Variants in STPG4 observed in about 807,000 individuals in gnomAD.
The protein encoded by STPG4 is protein STPG4.
STPG4 carries 41 observed loss-of-function variants against 31.5 expected under a neutral mutation model. The ratio of observed to expected loss-of-function variants is 1.30; its 90% confidence interval spans 1.01 to 1.69. The LOEUF is 1.69. STPG4 is among the 40% of genes most tolerant of loss of function. The pLI is 0.00. For missense variants in STPG4, 375 were observed against 293.4 expected, an observed-to-expected ratio of 1.28 and a Z score of -2.03; for synonymous variants, 141 against 103.0, an observed-to-expected ratio of 1.37 and a Z score of -2.24.
intron 5 of STPG4, among the ~76,000 whole-genome samples, chr2:47,103,673 T>C (rs1685845985): frequency 1.3e-5 from 2 of 151,928 alleles, no homozygotes; most frequent in Non-Finnish European, 2.9e-5. Context: ...CCCTCGTCCA[T>C]GTCCACTATG....
intron 5 of STPG4, among the ~76,000 whole-genome samples, chr2:47,090,715 G>A (rs1256508557): frequency 2.0e-5 from 3 of 152,172 alleles, no homozygotes; most frequent in Non-Finnish European, 4.4e-5. Context: ...GCCTCATGCC[G>A]TACTTCTCCC....
intron 3 of STPG4, among the ~76,000 whole-genome samples, chr2:47,134,949 T>A (rs1017348226): frequency 6.6e-6 from 1 of 152,246 alleles, no homozygotes; most frequent in African/African-American, 2.4e-5. Flanking sequence ...TGATGACATA[T>A]GATGTGAAAC....
chr2:47,087,526 G>A (rs1685481133), intron 6 of STPG4, among the ~76,000 whole-genome samples: 1 of 152,196 alleles, frequency 6.6e-6, no homozygotes, highest in Non-Finnish European at 1.5e-5. Context: ...AGAAGTGAGT[G>A]AAGAGAATTA....
intron 3 of STPG4, 47 bp downstream of exon 3, chr2:47,151,211 C>A (rs752768642): frequency 1.2e-6 from 2 of 1,603,636 alleles, no homozygotes; most frequent in East Asian, 2.2e-5. Context: ...TCCTCAGGGG[C>A]TCTTAGTAGC....
intron 5 of STPG4, among the ~76,000 whole-genome samples, chr2:47,095,926 G>C (rs971216444): frequency 1.3e-4 from 20 of 152,132 alleles, no homozygotes; most frequent in African/African-American, 4.3e-4. Context: ...CTGGGCCCCT[G>C]TTCCCTACTC....
intron 3 of STPG4, among the ~76,000 whole-genome samples, chr2:47,139,666 C>G (rs1245638439): frequency 1.3e-5 from 2 of 151,996 alleles, no homozygotes; most frequent in Non-Finnish European, 2.9e-5. Flanking sequence ...GAATCAGATC[C>G]TCCACGCAGA....
At chr2:47,087,639 A>T (rs1340362001) in intron 6 of STPG4, among the ~76,000 whole-genome samples, 1 of 152,236 alleles carries the variant, frequency 6.6e-6, no homozygotes, top group African/African-American at 2.4e-5. Flanking sequence ...GTGTTTCTCA[A>T]CCAGGGTCCA....
At chr2:47,087,485 T>C (rs1685480206) in intron 6 of STPG4, among the ~76,000 whole-genome samples, 1 of 152,224 alleles carries the variant, frequency 6.6e-6, no homozygotes, top group African/African-American at 2.4e-5. Flanking sequence ...AGGAATGCCA[T>C]CATCTTTCCC....
chr2:47,087,301 T>C (rs1160629677), intron 6 of STPG4, among the ~76,000 whole-genome samples, 171 bp from the exon 7 acceptor site: 1 of 152,218 alleles, frequency 6.6e-6, no homozygotes, highest in African/African-American at 2.4e-5. Context: ...AGCATGTCCT[T>C]GGAGCAGAGG....
intron 5 of STPG4, among the ~76,000 whole-genome samples, chr2:47,110,160 G>C (rs1477369475): frequency 6.6e-6 from 1 of 152,142 alleles, no homozygotes; most frequent in Non-Finnish European, 1.5e-5. Context: ...AATCACTAGA[G>C]ACCCCAAACA....
At chr2:47,110,457 G>C (rs2347616) in intron 5 of STPG4, among the ~76,000 whole-genome samples, 1 of 152,166 alleles carries the variant, frequency 6.6e-6, no homozygotes, top group South Asian at 2.1e-4. Context: ...AGCCAGGCCT[G>C]GTGGCGGGCA....
chr2:47,111,714 C>A (rs1450460094), intron 5 of STPG4, among the ~76,000 whole-genome samples: 1 of 152,132 alleles, frequency 6.6e-6, no homozygotes, highest in Non-Finnish European at 1.5e-5. Context: ...AATATGTCCT[C>A]TGGCGTCTAC....
Position 47,151,371 on chromosome 2 carries a change from G to C in STPG4, c.286C>G (p.Leu96Val), listed in dbSNP as rs778436205. The C allele has an allele frequency of 6.2e-6, 10 of 1,614,044 alleles. No individual in the cohort carries two copies. In the Admixed American group the frequency reaches 1.0e-4, roughly 16 times the overall value. The change falls in exon 3 of 7, where the codon CTT becomes GTT. Residue 96 changes from leucine (L) to valine (V), a missense_variant. Leu to Val is a conservative substitution (Grantham distance 32). Coordinates refer to ENST00000445927, the MANE Select transcript of STPG4 (RefSeq NM_001163561.2). The part of the protein sequence containing the change: ...VQRNNPVLND[L>V]PQYMPPDFLD... ...AAGTCAGGAGGCATATACTGCGGAA[G>C]ATCATTTAGGACTGGATTGTTTCTT...
chr2:47,139,407 AT>A (rs33970494), intron 3 of STPG4, among the ~76,000 whole-genome samples: 44 of 147,362 alleles, frequency 3.0e-4, no homozygotes, highest in Admixed American at 4.0e-4. Flanking sequence ...CTCCTGCTTT[AT>A]TTTTTTTTTT....
chr2:47,151,565 C>T (rs1254417052), intron 2 of STPG4, 50 bp from the exon 3 acceptor site: 6 of 1,511,292 alleles, frequency 4.0e-6, no homozygotes, highest in South Asian at 1.2e-5. Context: ...TGTAACTTCT[C>T]CTAAAACACC....
intron 5 of STPG4, among the ~76,000 whole-genome samples, chr2:47,103,133 T>C (rs1262817295): frequency 3.3e-5 from 5 of 151,974 alleles, no homozygotes; most frequent in South Asian, 2.1e-4. Context: ...CCTTGACTCA[T>C]ATCATGGGGA....
chr2:47,097,128 A>G (rs924608912), intron 5 of STPG4, among the ~76,000 whole-genome samples: 5 of 152,226 alleles, frequency 3.3e-5, no homozygotes, highest in Non-Finnish European at 5.9e-5. Flanking sequence ...ATTCATGTGC[A>G]AAAGGGATTT....
intron 3 of STPG4, among the ~76,000 whole-genome samples, chr2:47,139,648 G>A (rs1025085869): frequency 6.6e-6 from 1 of 152,006 alleles, no homozygotes; most frequent in African/African-American, 2.4e-5. Context: ...CAACAGTATA[G>A]ATCTCACGAA....
chr2:47,090,302 A>G lies in STPG4; in HGVS notation c.592T>C (p.Ser198Pro). The G allele has an allele frequency of 6.4e-7, 1 of 1,551,856 alleles. No individual in the cohort carries two copies. The highest frequency in any genetic ancestry group is 1.2e-5 in the South Asian group (1 of 84,058). ...PTSSVTSCFQ[S>P]RVPRFLPSCS... ...CTGGGCAAGAATCGAGGGACTCTGG[A>G]TTGAAAACAAGAAGTGACAGAGCTT... is the stretch of plus-strand genomic sequence containing the variant. The change falls in exon 6 of 7, where the codon TCC becomes CCC. Residue 198 changes from serine to proline, a missense_variant. Transcript: ENST00000445927.
Sources: allele counts gnomAD v4.1 joint callset (sites outside exome capture counted in the v4.1 genomes callset), GRCh38; gene constraint gnomAD v4.1.1; transcripts MANE v1.5; gene names NCBI Gene and HGNC (gene_info 2026-07-23, HGNC 2026-07-21).